TMOD4: variants seen among roughly 807,000 people sequenced by gnomAD.
The protein encoded by TMOD4 is tropomodulin 4.
TMOD4 carries 34 observed loss-of-function variants against 45.4 expected under a neutral mutation model. That is an observed-to-expected ratio of 0.75 (90% CI 0.57 to 1.00). TMOD4 has a LOEUF of 1.00. TMOD4 is among the 50% of genes least tolerant of loss of function. The probability of loss-of-function intolerance (pLI) is 0.00; values close to 1 mark genes in which losing one functional copy is unlikely to be tolerated. For synonymous variants in TMOD4, 131 were observed against 153.9 expected (o/e 0.85, Z 1.10); for missense variants, 399 against 437.5 (o/e 0.91, Z 0.78).
chr1:151,174,625 G>A (rs1288753861), intron 2 of TMOD4, 78 bp from the exon 3 acceptor site: 9 of 1,594,720 alleles, frequency 5.6e-6, no homozygotes, highest in South Asian at 3.4e-5. Flanking sequence ...AAACATCACC[G>A]GACACCTTTC....
chr1:151,173,542 C>G lies in TMOD4; in HGVS notation c.354G>C (p.Glu118Asp). 1 of 1,614,154 alleles carries G rather than the reference C, an allele frequency of 6.2e-7. No individual in the cohort carries two copies. ...EQITLEPELE[E>D]ALAHATDAEM... ...CAGCATCTGTGGCATGTGCCAGTGC[C>G]TCCTCCAGCTCAGGCTCCAGGGTGA... Residue 118 changes from glutamate to aspartate, a missense_variant, in exon 4 of 10, where the codon GAG becomes GAC. Glu to Asp is a conservative substitution (Grantham distance 45). Coordinates refer to ENST00000295314, the MANE Select transcript of TMOD4 (RefSeq NM_013353.3).
intron 9 of TMOD4, 141 bp from the exon 10 acceptor site, chr1:151,170,244 C>G: frequency 1.0e-6 from 1 of 964,736 alleles, no homozygotes; most frequent in Non-Finnish European, 1.6e-6. Context: ...CCCACATTAA[C>G]AAAACAAAAC....
At chr1:151,171,110 T>C (rs1683939753) in intron 7 of TMOD4, 47 bp from the exon 8 acceptor site, 4 of 1,596,766 alleles carry the variant, frequency 2.5e-6, no homozygotes, top group Non-Finnish European at 3.4e-6. Context: ...GTTTCACAGA[T>C]GACTGAGGAA....
At chr1:151,175,303 G>A (rs186697745) in intron 1 of TMOD4, 1 of 161,066 alleles carries the variant, frequency 6.2e-6, no homozygotes, top group African/African-American at 2.4e-5. Flanking sequence ...GATGAGGGGT[G>A]GGGGAATAGA....
intron 8 of TMOD4, 122 bp from the exon 9 acceptor site, chr1:151,170,785 T>C (rs1572082493): frequency 6.6e-7 from 1 of 1,514,774 alleles, no homozygotes; most frequent in East Asian, 2.3e-5. Flanking sequence ...AGAGAGATGC[T>C]GACTTGGCTT....
chr1:151,170,803 A>C, intron 8 of TMOD4, 117 bp downstream of exon 8: 1 of 1,516,088 alleles, frequency 6.6e-7, no homozygotes, highest in Non-Finnish European at 8.9e-7. Context: ...CTTCCCTCAC[A>C]GAGACAATGA....
rs75143631 is a variant in TMOD4 at position 151,170,456 on chromosome 1, G to A, written c.1015+63C>T. On this transcript the variant is annotated intron_variant, in intron 9 of 9. Coordinates refer to ENST00000295314, the MANE Select transcript of TMOD4 (RefSeq NM_013353.3). The stretch of plus-strand genomic sequence containing the variant: ...CTGTTAGTCATTAGGTCTGCTTTCA[G>A]GAGGATCCACCAATTTCTGCACTTC... 3.0e-3 allele frequency: 4,798 copies of A among 1,602,260 alleles called. 123 individuals carry two copies. In the African/African-American group the frequency reaches 0.055, roughly 18 times the overall value.
Position 151,174,780 on chromosome 1 carries a change from GTC to G in TMOD4, c.94_95del (p.Asp32LeufsTer9). Reference sequence around the variant, plus strand: ...CAGGATCCATCTCCTGTAGTTCGCAGTCCAGCTGCTCTAGCTCCTCGGGGCTC... The same window carrying G: ...CAGGATCCATCTCCTGTAGTTCGCAGCAGCTGCTCTAGCTCCTCGGGGCTC... ...TLSPEELEQL[D>X]CELQEMDPEN... On this transcript the variant is annotated frameshift_variant, in exon 2 of 10. Coordinates refer to ENST00000295314, the MANE Select transcript of TMOD4 (RefSeq NM_013353.3). LOFTEE classifies it high-confidence loss of function. 1 of 1,614,066 alleles carries G rather than the reference GTC, an allele frequency of 6.2e-7. No homozygotes were observed. Among genetic ancestry groups the G allele is most frequent in the South Asian group, 1.1e-5 (1 of 91,064 alleles).
intron 9 of TMOD4, 119 bp downstream of exon 9, chr1:151,170,400 C>A: frequency 6.9e-7 from 1 of 1,457,850 alleles, no homozygotes; most frequent in Admixed American, 2.0e-5. Flanking sequence ...TTGAAATTCT[C>A]ATATGAATAG....
At chr1:151,171,871 T>C (rs1445745257) in intron 5 of TMOD4, 108 bp from the exon 6 acceptor site, 1 of 1,381,772 alleles carries the variant, frequency 7.2e-7, no homozygotes, top group Non-Finnish European at 9.6e-7. Context: ...AGTCTCGCTC[T>C]ATCCACCTAG....
intron 5 of TMOD4, 68 bp from the exon 6 acceptor site, chr1:151,171,831 T>C (rs1683968557): frequency 1.3e-6 from 2 of 1,540,458 alleles, no homozygotes; most frequent in African/African-American, 2.8e-5. Context: ...TGGTTTTCTT[T>C]TCTTTTCTTT....
chr1:151,172,502 A>G (rs1362264199), intron 4 of TMOD4, 145 bp from the exon 5 acceptor site: 8 of 624,926 alleles, frequency 1.3e-5, no homozygotes, highest in Middle Eastern at 3.9e-4. Context: ...TTTCAGCCCC[A>G]GGGGTCCTTT....
chr1:151,174,979 CAA>C, intron 1 of TMOD4, 62 bp from the exon 2 acceptor site: 1 of 1,385,074 alleles, frequency 7.2e-7, no homozygotes, highest in Non-Finnish European at 1.0e-6. Flanking sequence ...AGCAGGGACA[CAA>C]AGAGACCAGC....
At chr1:151,173,061 T>G (rs1684006655) in intron 4 of TMOD4, among the ~76,000 whole-genome samples, 1 of 152,142 alleles carries the variant, frequency 6.6e-6, no homozygotes, top group Non-Finnish European at 1.5e-5. Flanking sequence ...GACCTCGTGA[T>G]CCACCCGCCT....
intron 3 of TMOD4, among the ~76,000 whole-genome samples, chr1:151,173,949 C>T (rs924364475): frequency 6.6e-6 from 1 of 151,874 alleles, no homozygotes; most frequent in Non-Finnish European, 1.5e-5. Flanking sequence ...GGCACGGTGG[C>T]TCATGCCTGT....
chr1:151,170,713 A>AC (rs1683925637), intron 8 of TMOD4, 50 bp from the exon 9 acceptor site: 1 of 1,607,062 alleles, frequency 6.2e-7, no homozygotes, highest in African/African-American at 1.3e-5. Context: ...TGGGCTGTTT[A>AC]CCATCCCACA....
intron 8 of TMOD4, 34 bp from the exon 9 acceptor site, chr1:151,170,697 C>T: frequency 6.2e-7 from 1 of 1,610,978 alleles, no homozygotes. Context: ...TGACAGTCAC[C>T]CTCTCTGGGC....
In TMOD4 at chr1:151,174,878, TG is replaced by T; in HGVS notation, c.-4del. On this transcript the variant is annotated 5_prime_UTR_variant, in exon 2 of 10. Transcript: ENST00000295314. ...AGTTCCTTCTGATATGATGACATGG[TG>T]GCCCCCACCCCCTCCCCACTGTGTG... is the stretch of plus-strand genomic sequence containing the variant. 1 of 1,614,138 alleles carries T rather than the reference TG, an allele frequency of 6.2e-7. No individual in the cohort carries two copies. Among genetic ancestry groups the T allele is most frequent in the Non-Finnish European group, 8.5e-7 (1 of 1,180,024 alleles).
In TMOD4 at chr1:151,174,855, T is replaced by C; in HGVS notation, c.21A>G (p.Glu7=). ...CATCTATGTCTCTGTATTTCTCCAGTTCCTTCTGATATGATGACATGGTGG... is the reference window on the plus strand; with the variant it reads ...CATCTATGTCTCTGTATTTCTCCAGCTCCTTCTGATATGATGACATGGTGG... MSSYQK[E]LEKYRDIDED... Residue 7 remains glutamate, a synonymous_variant, in exon 2 of 10, where the codon GAA becomes GAG. Coordinates refer to ENST00000295314, the MANE Select transcript of TMOD4 (RefSeq NM_013353.3). 1.2e-6 allele frequency: 2 copies of C among 1,614,194 alleles called. No homozygotes were observed. Among genetic ancestry groups the C allele is most frequent in the South Asian group, 2.2e-5 (2 of 91,086 alleles).
Sources: allele counts gnomAD v4.1 joint callset (sites outside exome capture counted in the v4.1 genomes callset), GRCh38; gene constraint gnomAD v4.1.1; transcripts MANE v1.5; gene names NCBI Gene and HGNC (gene_info 2026-07-23, HGNC 2026-07-21).